Variants in ADGRD1 observed in about 807,000 individuals in gnomAD.
ADGRD1 encodes the protein adhesion G protein-coupled receptor D1, also known as G-protein coupled receptor 133.
In ADGRD1, 77 loss-of-function variants were observed where a neutral mutation model predicts 113.4. The ratio of observed to expected loss-of-function variants is 0.68; its 90% CI spans 0.57 to 0.82. ADGRD1 has a LOEUF of 0.82. ADGRD1 is among the 40% of genes least tolerant of loss of function. The pLI is 0.00. For missense variants in ADGRD1, 1,036 were observed against 1,139.1 expected (o/e 0.91, Z 1.30); for synonymous variants, 474 against 475.0 (o/e 1.00, Z 0.03).
intron 8 of ADGRD1, among the ~76,000 whole-genome samples, chr12:130,995,593 C>T (rs1285440238): frequency 1.3e-5 from 2 of 152,188 alleles, no homozygotes; most frequent in Admixed American, 6.5e-5. Context: ...GCCTCCTCTG[C>T]AGCCAGCAGT....
chr12:131,038,669 G>A (rs1262195841), intron 13 of ADGRD1, among the ~76,000 whole-genome samples: 1 of 152,212 alleles, frequency 6.6e-6, no homozygotes, highest in Non-Finnish European at 1.5e-5. Context: ...CAGAGGTGAT[G>A]GAGGGGCAAC....
intron 21 of ADGRD1, among the ~76,000 whole-genome samples, chr12:131,134,054 A>T (rs1593275009): frequency 6.6e-6 from 1 of 152,192 alleles, no homozygotes; most frequent in Non-Finnish European, 1.5e-5. Context: ...TTCACTTTTT[A>T]AAAAAGTCTC....
At chr12:131,083,540 A>C (rs1406965072) in intron 14 of ADGRD1, among the ~76,000 whole-genome samples, 1 of 152,198 alleles carries the variant, frequency 6.6e-6, no homozygotes, top group Non-Finnish European at 1.5e-5. Flanking sequence ...GCAGGAGGTC[A>C]AGACTGCAGT....
At chr12:131,039,050 A>G (rs1157037281) in intron 13 of ADGRD1, among the ~76,000 whole-genome samples, 2 of 152,220 alleles carry the variant, frequency 1.3e-5, no homozygotes, top group African/African-American at 4.8e-5. Context: ...CCTGCGGGAG[A>G]GGCCAGGAAA....
chr12:131,046,669 C>T (rs1439338164), intron 13 of ADGRD1, among the ~76,000 whole-genome samples: 2 of 136,704 alleles, frequency 1.5e-5, no homozygotes, highest in East Asian at 2.3e-4. Context: ...CAGTGTCCTC[C>T]CTGGTCAGTG....
At chr12:130,981,723 C>G (rs1873018239) in intron 4 of ADGRD1, among the ~76,000 whole-genome samples, 161 bp from the exon 5 acceptor site, 1 of 152,194 alleles carries the variant, frequency 6.6e-6, no homozygotes. Flanking sequence ...TAAACATGAG[C>G]AAATATCACT....
intron 13 of ADGRD1, among the ~76,000 whole-genome samples, chr12:131,064,433 A>G (rs1359751329): frequency 6.6e-6 from 1 of 152,198 alleles, no homozygotes; most frequent in African/African-American, 2.4e-5. Flanking sequence ...TTAGCCTGAT[A>G]ATATGGTGAA....
intron 8 of ADGRD1, among the ~76,000 whole-genome samples, chr12:130,998,688 C>T (rs1875935899): frequency 6.6e-6 from 1 of 152,220 alleles, no homozygotes. Context: ...TGGTCTTCAA[C>T]TCCTGACCTC....
chr12:131,087,841 G>T (rs999511570), intron 15 of ADGRD1, among the ~76,000 whole-genome samples: 9 of 152,204 alleles, frequency 5.9e-5, no homozygotes, highest in African/African-American at 2.2e-4. Flanking sequence ...ATCATTGGCG[G>T]CAATTTAAAG....
chr12:131,087,668 A>T (rs1259196246), intron 15 of ADGRD1, among the ~76,000 whole-genome samples: 1 of 152,088 alleles, frequency 6.6e-6, no homozygotes, highest in Non-Finnish European at 1.5e-5. Context: ...GATGTTCCTT[A>T]AGGAGTGTTT....
intron 13 of ADGRD1, among the ~76,000 whole-genome samples, chr12:131,048,208 C>T (rs1031001677): frequency 6.6e-6 from 1 of 152,212 alleles, no homozygotes; most frequent in Non-Finnish European, 1.5e-5. Context: ...AGGCTGAGGG[C>T]GCAGGGTCAG....
In ADGRD1 at chr12:131,057,401, A is replaced by G. The variant is rs1314246407; in HGVS notation, c.1474-19400A>G. Among the ~76,000 whole-genome samples the G allele has an allele frequency of 1.3e-5, 2 of 152,168 alleles. No individual in the cohort carries two copies. The highest frequency in any genetic ancestry group is 2.1e-4 in the South Asian group (1 of 4,824). On this transcript the variant is annotated intron_variant, in intron 13 of 24. Transcript: ENST00000261654. The surrounding 1 kb of genome is among the most constrained non-coding windows in gnomAD (Gnocchi z 4.2). ...GTCTGCGCTGCTGTGGCCGTTTCCT[A>G]GGGCCACCGTGACAAATGGCTAGTG...
At chr12:130,963,240 A>G (rs1187311430) in intron 2 of ADGRD1, among the ~76,000 whole-genome samples, 3 of 147,396 alleles carry the variant, frequency 2.0e-5, no homozygotes, top group South Asian at 2.1e-4. Context: ...GAATGGCGTG[A>G]ACCCGGGAGG....
At chr12:131,020,888 C>T (rs764885324) in intron 13 of ADGRD1, among the ~76,000 whole-genome samples, 80 of 152,216 alleles carry the variant, frequency 5.3e-4, no homozygotes, top group Admixed American at 8.5e-4. Context: ...TCACCGTCAC[C>T]ACAGCTTGTG....
chr12:131,033,299 G>C (rs1237768876), intron 13 of ADGRD1, among the ~76,000 whole-genome samples: 2 of 152,216 alleles, frequency 1.3e-5, no homozygotes, highest in East Asian at 3.9e-4. Flanking sequence ...CCAGGCCGGA[G>C]GGGTTTCTAG....
At chr12:130,956,014 C>T (rs1358176622) in intron 2 of ADGRD1, among the ~76,000 whole-genome samples, 1 of 152,224 alleles carries the variant, frequency 6.6e-6, no homozygotes. Flanking sequence ...GTCTCGATCT[C>T]CTGACCTCGG....
At chr12:131,046,024 C>T (rs1882676203) in intron 13 of ADGRD1, among the ~76,000 whole-genome samples, 1 of 150,688 alleles carries the variant, frequency 6.6e-6, no homozygotes, top group Non-Finnish European at 1.5e-5. Flanking sequence ...AGTGTCCTCC[C>T]TGGTCAGTGT....
At chr12:131,119,894 G>A (rs751041117) in intron 19 of ADGRD1, among the ~76,000 whole-genome samples, 10 of 152,180 alleles carry the variant, frequency 6.6e-5, no homozygotes, top group South Asian at 2.1e-4. Flanking sequence ...CTCCTGGTCC[G>A]GGAGGCTTTG....
chr12:130,987,292 A>G lies in ADGRD1; in HGVS notation c.688A>G (p.Ile230Val), dbSNP rs1411337185. The G allele has an allele frequency of 6.2e-7, 1 of 1,614,114 alleles. No homozygotes were observed. The highest frequency in any genetic ancestry group is 8.5e-7 in the Non-Finnish European group (1 of 1,180,040). ...YENGAFDEFI[I>V]WERALTPDEI... ...GAACGGTGCTTTCGATGAGTTCATC[A>G]TCTGGGAGCGGGCTCTGACTCCGGA... The change falls in exon 6 of 25, where the codon ATC becomes GTC. Residue 230 changes from isoleucine (I) to valine (V), a missense_variant. Transcript: ENST00000261654.
Sources: gnomAD v4.1 joint callset for allele counts (sites outside exome capture counted in the v4.1 genomes callset) on GRCh38, gnomAD v4.1.1 for gene constraint, Gnocchi (gnomAD v3.1) non-coding constraint, MANE v1.5 for transcripts, NCBI Gene and HGNC (gene_info 2026-07-23, HGNC 2026-07-21) for gene names.